The following SOS1 variants were observed in gnomAD, a reference collection of about 807,000 sequenced individuals.
The protein encoded by SOS1 is SOS Ras/Rac guanine nucleotide exchange factor 1.
A neutral mutation model predicts 157.6 loss-of-function variants in SOS1; 25 were observed. The ratio of observed to expected loss-of-function variants is 0.16; its 90% CI spans 0.12 to 0.22. The LOEUF is 0.22. Among genes scored for constraint, SOS1 ranks in the 10% least tolerant of loss-of-function variants. The pLI is 1.00. For synonymous variants in SOS1, 528 were observed against 534.0 expected (o/e 0.99, Z 0.16); for missense variants, 1,237 against 1,599.1 (o/e 0.77, Z 3.86).
At chr2:39,066,920 T>C (rs1235898025) in intron 2 of SOS1, among the ~76,000 whole-genome samples, 1 of 152,226 alleles carries the variant, frequency 6.6e-6, no homozygotes, top group South Asian at 2.1e-4. Context: ...CAAGAAATTG[T>C]TCGTTTTAGC....
At chr2:39,106,181 C>G (rs1442337078) in intron 1 of SOS1, among the ~76,000 whole-genome samples, 3 of 72,376 alleles carry the variant, frequency 4.1e-5, no homozygotes, top group African/African-American at 1.5e-4. Flanking sequence ...GACTGTGCTA[C>G]TGTACACACA....
intron 1 of SOS1, among the ~76,000 whole-genome samples, chr2:39,076,552 T>C (rs1428671638): frequency 1.3e-5 from 2 of 151,860 alleles, no homozygotes; most frequent in African/African-American, 2.4e-5. Context: ...AGGAGAAAAA[T>C]GACAATAGAT....
intron 19 of SOS1, among the ~76,000 whole-genome samples, chr2:38,996,157 T>C (rs1668882739): frequency 6.6e-6 from 1 of 152,152 alleles, no homozygotes; most frequent in Admixed American, 6.5e-5. Context: ...TGGCACGATC[T>C]TGGCTCACTG....
At chr2:39,106,785 G>A (rs911738592) in intron 1 of SOS1, among the ~76,000 whole-genome samples, 34 of 152,262 alleles carry the variant, frequency 2.2e-4, no homozygotes, top group African/African-American at 7.7e-4. Flanking sequence ...GACTAGCAAG[G>A]AAAACCAACA....
At chr2:39,002,823 G>C (rs1669148580) in intron 17 of SOS1, among the ~76,000 whole-genome samples, 1 of 152,094 alleles carries the variant, frequency 6.6e-6, no homozygotes, top group Non-Finnish European at 1.5e-5. Context: ...CTAGAACTTT[G>C]GGAGGCCAAG....
At chr2:39,031,528 G>A (rs572364266) in intron 8 of SOS1, among the ~76,000 whole-genome samples, 2 of 152,216 alleles carry the variant, frequency 1.3e-5, no homozygotes, top group African/African-American at 4.8e-5. Flanking sequence ...TCAGGAGTTC[G>A]TGACCAGCCT....
intron 1 of SOS1, among the ~76,000 whole-genome samples, chr2:39,093,638 G>C (rs1672667313): frequency 6.6e-6 from 1 of 152,194 alleles, no homozygotes; most frequent in African/African-American, 2.4e-5. Flanking sequence ...AGATTGTTTA[G>C]AGGAGCAAAC....
chr2:39,120,024 G>A (rs1673805375), intron 1 of SOS1, among the ~76,000 whole-genome samples: 1 of 152,206 alleles, frequency 6.6e-6, no homozygotes, highest in Non-Finnish European at 1.5e-5. Flanking sequence ...GGCCTGCTTT[G>A]ACCTCCGCTG....
intron 1 of SOS1, among the ~76,000 whole-genome samples, chr2:39,112,983 CG>C (rs1356208439): frequency 6.6e-6 from 1 of 151,152 alleles, no homozygotes; most frequent in African/African-American, 2.4e-5. Context: ...CTACAGTGAG[CG>C]GAGATCACAC....
Position 39,120,591 on chromosome 2 carries a change from G to C in SOS1, c.-169C>G. On this transcript the variant is annotated 5_prime_UTR_variant, in exon 1 of 23. Transcript: ENST00000402219. ...AGCCCTGGCGAGGGGGCTGGGGGGC[G>C]AGGCCCGCGCCTGGCCACCCACCCG... 2.7e-6 allele frequency: 2 copies of C among 750,774 alleles called. No homozygotes were observed. The highest frequency in any genetic ancestry group is 1.6e-6 in the Non-Finnish European group (1 of 610,676). The allele number at this position is 750,774 out of a possible 1,614,324, so 46.5% of individuals were successfully genotyped here.
intron 1 of SOS1, among the ~76,000 whole-genome samples, chr2:39,108,031 C>A (rs1443028991): frequency 6.6e-6 from 1 of 152,180 alleles, no homozygotes; most frequent in Non-Finnish European, 1.5e-5. Flanking sequence ...GTGCCTTAGT[C>A]TCCCTCCAAA....
chr2:39,103,603 C>T (rs77223098), intron 1 of SOS1, among the ~76,000 whole-genome samples: 1 of 152,250 alleles, frequency 6.6e-6, no homozygotes, highest in Non-Finnish European at 1.5e-5. Flanking sequence ...AAAAGAATGA[C>T]GTTGGACTCC....
chr2:39,062,540 CG>C (rs1278442251), intron 2 of SOS1, among the ~76,000 whole-genome samples: 1 of 145,064 alleles, frequency 6.9e-6, no homozygotes, highest in Non-Finnish European at 1.5e-5. Flanking sequence ...CGAAAGCAGA[CG>C]TTTTACATTT....
rs2124449645 is a variant in SOS1, at chr2:38,983,985, T to C, written c.*1839A>G. The C allele has an allele frequency of 6.6e-6, 1 of 152,284 alleles. No individual in the cohort carries two copies. The highest frequency in any genetic ancestry group is 2.1e-4 in the South Asian group (1 of 4,826). 9.4% of individuals were successfully genotyped at this position (152,284 alleles called of 1,614,324 possible). A position where few individuals can be genotyped will look rare whatever the true frequency, so the allele number is the denominator to read the frequency against. Reference sequence around the variant, plus strand: ...CTAACAAATAAATAAGAAAATAGGATAGACTGCTTAATGATGGTGCAGTTA... The same window carrying C: ...CTAACAAATAAATAAGAAAATAGGACAGACTGCTTAATGATGGTGCAGTTA... On this transcript the variant is annotated 3_prime_UTR_variant, in exon 23 of 23. Transcript: ENST00000402219.
intron 10 of SOS1, among the ~76,000 whole-genome samples, chr2:39,021,622 A>G (rs922840653): frequency 6.6e-6 from 1 of 151,560 alleles, no homozygotes; most frequent in Non-Finnish European, 1.5e-5. Context: ...AGGAACCCCA[A>G]ACAAAAGTAC....
In SOS1 at chr2:39,106,679, A is replaced by C. The variant is rs192117855; in HGVS notation, c.87+13657T>G. Among the ~76,000 whole-genome samples the C allele has an allele frequency of 1.7e-3, 263 of 152,010 alleles. 2 individuals are homozygous for C. The highest frequency in any genetic ancestry group is 0.017 in the Middle Eastern group (5 of 294). On this transcript the variant is annotated intron_variant, in intron 1 of 22. Transcript: ENST00000402219. The stretch of plus-strand genomic sequence containing the variant: ...TTAAATTACTTATTTTCCCATGTAT[A>C]TCTCCACTCCCAACTCCAACAGGAA...
At chr2:39,059,438 C>T (rs929088972) in intron 2 of SOS1, among the ~76,000 whole-genome samples, 1 of 152,014 alleles carries the variant, frequency 6.6e-6, no homozygotes, top group Non-Finnish European at 1.5e-5. Flanking sequence ...AGGTTACTAT[C>T]ACAGCTGAAT....
At chr2:39,049,735 C>T (rs184998541) in intron 6 of SOS1, among the ~76,000 whole-genome samples, 20 of 152,178 alleles carry the variant, frequency 1.3e-4, no homozygotes, top group African/African-American at 4.1e-4. Context: ...AATGACTTTG[C>T]GGGTTCAGGC....
chr2:39,106,184 T>TAC (rs35147616), intron 1 of SOS1, among the ~76,000 whole-genome samples: 9,685 of 148,120 alleles, frequency 0.065, 674 homozygotes, highest in African/African-American at 0.17. Flanking sequence ...TGTGCTACTG[T>TAC]ACACACACAC....
Sources: allele counts gnomAD v4.1 joint callset (sites outside exome capture counted in the v4.1 genomes callset), GRCh38; gene constraint gnomAD v4.1.1; transcripts MANE v1.5; gene names NCBI Gene and HGNC (gene_info 2026-07-23, HGNC 2026-07-21).